The following DNAH14 variants were observed in gnomAD, a reference collection of about 807,000 sequenced individuals.
DNAH14 encodes the protein axonemal beta dynein heavy chain 14.
A neutral mutation model predicts 520.9 loss-of-function variants in DNAH14; 478 were observed. The ratio of observed to expected loss-of-function variants is 0.92; its 90% CI spans 0.85 to 0.99. The LOEUF is 0.99. Among genes scored for constraint, DNAH14 ranks in the 50% least tolerant of loss-of-function variants. The pLI is 0.00. For missense variants in DNAH14, 4,831 were observed against 5,234.5 expected (o/e 0.92, Z 2.38); for synonymous variants, 1,581 against 1,757.2 (o/e 0.90, Z 2.51).
At chr1:224,958,789 A>C (rs1211849107) in intron 3 of DNAH14, among the ~76,000 whole-genome samples, 1 of 152,094 alleles carries the variant, frequency 6.6e-6, no homozygotes, top group Non-Finnish European at 1.5e-5. Flanking sequence ...GAAGTCATCC[A>C]TGTGATGGCA....
chr1:225,063,564 TAATAGA>T (rs1391779633), intron 17 of DNAH14, among the ~76,000 whole-genome samples: 1 of 152,006 alleles, frequency 6.6e-6, no homozygotes, highest in Non-Finnish European at 1.5e-5. Flanking sequence ...GAACTTGAAA[TAATAGA>T]AATAGAATCA....
At chr1:225,330,975 G>A (rs1326835857) in intron 64 of DNAH14, among the ~76,000 whole-genome samples, 1 of 151,890 alleles carries the variant, frequency 6.6e-6, no homozygotes, top group African/African-American at 2.4e-5. Flanking sequence ...AATTTTTTCA[G>A]CTATTTATGA....
intron 17 of DNAH14, among the ~76,000 whole-genome samples, chr1:225,061,278 T>C (rs971933539): frequency 4.6e-5 from 7 of 152,234 alleles, no homozygotes; most frequent in African/African-American, 1.4e-4. Flanking sequence ...GTGCTAGCAA[T>C]GAGCGTGGCT....
chr1:225,353,726 A>C, intron 72 of DNAH14, 77 bp from the exon 73 acceptor site: 1 of 801,684 alleles, frequency 1.2e-6, no homozygotes, highest in Non-Finnish European at 2.0e-6. Context: ...TATGACAGAA[A>C]TTTTCATTGT....
At chr1:225,094,284 A>G (rs1051266773) in intron 21 of DNAH14, among the ~76,000 whole-genome samples, 3 of 152,204 alleles carry the variant, frequency 2.0e-5, no homozygotes, top group African/African-American at 7.2e-5. Flanking sequence ...GCAGACACAT[A>G]GAACAGTGGA....
At chr1:225,289,162 C>T (rs1360258476) in intron 54 of DNAH14, among the ~76,000 whole-genome samples, 1 of 152,074 alleles carries the variant, frequency 6.6e-6, no homozygotes, top group Admixed American at 6.6e-5. Context: ...CATGAAAGAA[C>T]TTATTATGCT....
At chr1:225,077,935 C>T (rs1233092841) in intron 17 of DNAH14, among the ~76,000 whole-genome samples, 1 of 152,094 alleles carries the variant, frequency 6.6e-6, no homozygotes, top group East Asian at 1.9e-4. Context: ...AAATTAGACA[C>T]ACACATATGT....
intron 82 of DNAH14, among the ~76,000 whole-genome samples, chr1:225,389,161 T>C (rs2095874872): frequency 6.6e-6 from 1 of 152,220 alleles, no homozygotes; most frequent in African/African-American, 2.4e-5. Context: ...AGCATTTCTC[T>C]AGGAGCTTTA....
chr1:225,171,248 A>G (rs187391799), intron 36 of DNAH14, among the ~76,000 whole-genome samples: 44 of 152,306 alleles, frequency 2.9e-4, no homozygotes, highest in Admixed American at 2.6e-3. Flanking sequence ...AAGCTAGCAG[A>G]AGGCAAGAAA....
chr1:225,191,875 C>G (rs758008653), intron 37 of DNAH14, among the ~76,000 whole-genome samples: 21 of 151,858 alleles, frequency 1.4e-4, no homozygotes, highest in Admixed American at 3.3e-4. Flanking sequence ...TATTTTTCAG[C>G]TCTATAAACT....
intron 4 of DNAH14, among the ~76,000 whole-genome samples, chr1:224,963,198 T>A (rs1429722348): frequency 6.6e-6 from 1 of 152,120 alleles, no homozygotes; most frequent in Non-Finnish European, 1.5e-5. Context: ...TTATGTAGGT[T>A]ATAAACATCT....
At chr1:225,060,418 A>C (rs937208001) in intron 17 of DNAH14, among the ~76,000 whole-genome samples, 1 of 151,668 alleles carries the variant, frequency 6.6e-6, no homozygotes, top group African/African-American at 2.4e-5. Flanking sequence ...CATTTGTCTA[A>C]TTTTTTTTCA....
At chr1:225,039,333 T>C (rs1240686970) in intron 12 of DNAH14, among the ~76,000 whole-genome samples, 4 of 152,180 alleles carry the variant, frequency 2.6e-5, no homozygotes, top group Non-Finnish European at 5.9e-5. Context: ...TTTTGTTGTG[T>C]TCTTAACTTA....
At chr1:225,116,877 AG>A (rs2076908781) in intron 23 of DNAH14, among the ~76,000 whole-genome samples, 1 of 152,242 alleles carries the variant, frequency 6.6e-6, no homozygotes, top group Non-Finnish European at 1.5e-5. Flanking sequence ...AGTCAGGGCC[AG>A]GTGGCAGAGC....
At chr1:225,019,284 G>T (rs1474206521) in intron 10 of DNAH14, among the ~76,000 whole-genome samples, 4 of 152,108 alleles carry the variant, frequency 2.6e-5, no homozygotes, top group Non-Finnish European at 5.9e-5. Flanking sequence ...TCTTATATCA[G>T]CTAAAACAGA....
At chr1:225,351,621 T>A (rs1467745120) in intron 71 of DNAH14, 26 bp from the exon 72 acceptor site, 1 of 1,507,048 alleles carries the variant, frequency 6.6e-7, no homozygotes, top group East Asian at 2.5e-5. Flanking sequence ...TCTCTTCTAA[T>A]GTGATCATCT....
In DNAH14 at chr1:225,004,905, C is replaced by T. The variant is rs142798402; in HGVS notation, c.975+1978C>T. Among the ~76,000 whole-genome samples the T allele has an allele frequency of 4.3e-4, 66 of 152,274 alleles. No individual in the cohort carries two copies. The East Asian group carries it at 6.9e-3, about 16-fold the overall frequency. ...GCCGTTAATGGTGGTCATACGTGTA[C>T]TCTGCTGGGATGAAAGCATACCTTT... On this transcript the variant is annotated intron_variant, in intron 9 of 85. Transcript: ENST00000682510.
At chr1:225,241,210 T>A (rs1485241296) in intron 43 of DNAH14, among the ~76,000 whole-genome samples, 1 of 152,168 alleles carries the variant, frequency 6.6e-6, no homozygotes, top group Non-Finnish European at 1.5e-5. Flanking sequence ...TTATAAAGCC[T>A]TAGATTTCCT....
intron 55 of DNAH14, among the ~76,000 whole-genome samples, chr1:225,294,225 G>A (rs1440120770): frequency 4.6e-5 from 7 of 151,930 alleles, no homozygotes; most frequent in Admixed American, 4.6e-4. Context: ...TTCTGTTTAT[G>A]CAGTGTATCA....
Sources: allele counts gnomAD v4.1 joint callset (sites outside exome capture counted in the v4.1 genomes callset), GRCh38; gene constraint gnomAD v4.1.1; transcripts MANE v1.5; gene names NCBI Gene and HGNC (gene_info 2026-07-23, HGNC 2026-07-21).